Variants in FAM162A observed in about 807,000 individuals in gnomAD.
FAM162A encodes the protein protein FAM162A.
Under a neutral mutation model 21.8 loss-of-function variants are expected in FAM162A, and 23 were observed. The observed-to-expected ratio is 1.05, with a 90% CI of 0.76 to 1.49. FAM162A has a LOEUF of 1.49. FAM162A is among the 40% of genes most tolerant of loss of function. The probability of loss-of-function intolerance (pLI) is 0.00; values close to 1 mark genes in which losing one functional copy is unlikely to be tolerated. For synonymous variants in FAM162A, 53 were observed against 61.3 expected (o/e 0.86, Z 0.64); for missense variants, 165 against 186.4 (o/e 0.89, Z 0.67).
chr3:122,392,981 A>T (rs2075610955), intron 1 of FAM162A, among the ~76,000 whole-genome samples: 1 of 152,158 alleles, frequency 6.6e-6, no homozygotes, highest in Non-Finnish European at 1.5e-5. Flanking sequence ...TTGCTTTTCC[A>T]TTTAACCCTC....
chr3:122,399,726 C>G (rs2075644565), intron 1 of FAM162A, among the ~76,000 whole-genome samples: 1 of 152,152 alleles, frequency 6.6e-6, no homozygotes, highest in African/African-American at 2.4e-5. Flanking sequence ...AATGGTTGAA[C>G]TAATTTATAC....
chr3:122,385,273 C>A (rs2075569893), intron 1 of FAM162A, among the ~76,000 whole-genome samples: 1 of 152,092 alleles, frequency 6.6e-6, no homozygotes, highest in Non-Finnish European at 1.5e-5. Flanking sequence ...CACAGCTTAT[C>A]TAGTGTTCCG....
chr3:122,403,652 T>A (rs1208589103), intron 2 of FAM162A, among the ~76,000 whole-genome samples: 4 of 152,224 alleles, frequency 2.6e-5, no homozygotes, highest in Non-Finnish European at 5.9e-5. Context: ...TTTCCCGTCT[T>A]CTTTTAGTTA....
intron 1 of FAM162A, chr3:122,401,291 C>T (rs2075652504): frequency 5.5e-6 from 3 of 543,250 alleles, no homozygotes; most frequent in South Asian, 1.5e-4. Flanking sequence ...CTGATTGTAT[C>T]TCTTATTTTG....
chr3:122,404,139 G>A, intron 2 of FAM162A, 119 bp from the exon 3 acceptor site: 1 of 413,934 alleles, frequency 2.4e-6, no homozygotes, highest in Non-Finnish European at 4.4e-6. Context: ...ATTAACTTGA[G>A]GTTTCTCAGT....
chr3:122,406,555 A>T (rs377681738), intron 3 of FAM162A, among the ~76,000 whole-genome samples: 2 of 152,254 alleles, frequency 1.3e-5, no homozygotes, highest in South Asian at 4.1e-4. Flanking sequence ...GTCTGTATTC[A>T]GTAGATAGGT....
intron 1 of FAM162A, among the ~76,000 whole-genome samples, chr3:122,384,823 A>T (rs2075566947): frequency 1.3e-5 from 2 of 152,194 alleles, no homozygotes; most frequent in African/African-American, 4.8e-5. Flanking sequence ...GTTTTCTTAA[A>T]ATGGAGGATA....
At position 122,409,676 on chromosome 3, in the gene FAM162A, A is replaced by G. The variant is rs975040034; in HGVS notation, c.373-63A>G. The stretch of plus-strand genomic sequence containing the variant: ...TCTGTTAACCTGCTGTCATCAGTGC[A>G]AGGTAAAGACACCCTCCCCTGACCA... On this transcript the variant is annotated intron_variant, in intron 4 of 4. Coordinates refer to ENST00000477892, the MANE Select transcript of FAM162A (RefSeq NM_014367.4). 8 of 1,434,952 alleles carry G rather than the reference A, an allele frequency of 5.6e-6. No individual in the cohort carries two copies. In the African/African-American group the frequency reaches 7.0e-5, roughly 13 times the overall value. The allele number at this position is 1,434,952 out of a possible 1,614,324, so 88.9% of individuals were successfully genotyped here. A position where few individuals can be genotyped will look rare whatever the true frequency, so the allele number is the denominator to read the frequency against.
At chr3:122,408,754 T>A (rs1560003263) in intron 4 of FAM162A, among the ~76,000 whole-genome samples, 1 of 152,232 alleles carries the variant, frequency 6.6e-6, no homozygotes, top group Non-Finnish European at 1.5e-5. Flanking sequence ...TATACTCGAT[T>A]GTACTAGCTG....
chr3:122,403,883 TC>T (rs1483348135), intron 2 of FAM162A, among the ~76,000 whole-genome samples: 1 of 152,224 alleles, frequency 6.6e-6, no homozygotes, highest in African/African-American at 2.4e-5. Flanking sequence ...TCTGTCTCCA[TC>T]CATTGTACAG....
At chr3:122,408,064 A>G (rs1048388393) in intron 4 of FAM162A, 1 of 152,238 alleles carries the variant, frequency 6.6e-6, no homozygotes, top group Non-Finnish European at 1.5e-5. Flanking sequence ...CCAAGGCCAC[A>G]TATCTCCTTA....
rs2075702863 is a variant in FAM162A, at chr3:122,411,090, C to G, written c.*1259C>G. 6.6e-6 allele frequency: 1 copy of G among 152,196 alleles called. No homozygotes were observed. Among genetic ancestry groups the G allele is most frequent in the Admixed American group, 6.5e-5 (1 of 15,280 alleles). The allele number at this position is 152,196 out of a possible 1,614,324, so 9.4% of individuals were successfully genotyped here. A position where few individuals can be genotyped will look rare whatever the true frequency, so the allele number is the denominator to read the frequency against. On this transcript the variant is annotated 3_prime_UTR_variant, in exon 5 of 5. Transcript: ENST00000477892. ...CAGTTTCAGGCATCTACTGGGGGGTCTTGGAATATATCCCCAGAGGGTAAG... is the reference window on the plus strand; with the variant it reads ...CAGTTTCAGGCATCTACTGGGGGGTGTTGGAATATATCCCCAGAGGGTAAG...
intron 1 of FAM162A, among the ~76,000 whole-genome samples, chr3:122,393,790 C>T (rs2075615101): frequency 6.6e-6 from 1 of 152,158 alleles, no homozygotes; most frequent in Admixed American, 6.5e-5. Flanking sequence ...TGACATATTT[C>T]TAGAATGTAA....
intron 4 of FAM162A, among the ~76,000 whole-genome samples, chr3:122,408,409 A>G (rs2075686577): frequency 6.6e-6 from 1 of 152,214 alleles, no homozygotes; most frequent in South Asian, 2.1e-4. Context: ...TCTTACAACT[A>G]CTTTAAGATA....
At chr3:122,398,000 T>A (rs2075637056) in intron 1 of FAM162A, among the ~76,000 whole-genome samples, 1 of 152,188 alleles carries the variant, frequency 6.6e-6, no homozygotes, top group Non-Finnish European at 1.5e-5. Flanking sequence ...TGACCACTGA[T>A]GATGTGTTGA....
chr3:122,398,085 A>G (rs917351376), intron 1 of FAM162A, among the ~76,000 whole-genome samples: 1 of 149,038 alleles, frequency 6.7e-6, no homozygotes, highest in African/African-American at 2.4e-5. Context: ...AGAGCACATC[A>G]CATGTGTAAA....
At chr3:122,409,691 T>C (rs758346965) in intron 4 of FAM162A, 48 bp from the exon 5 acceptor site, 1 of 1,551,288 alleles carries the variant, frequency 6.4e-7, no homozygotes, top group South Asian at 1.1e-5. Context: ...AAAGACACCC[T>C]CCCCTGACCA....
In FAM162A at chr3:122,411,122, C is replaced by T. The variant is rs2075702964; in HGVS notation, c.*1291C>T. ...TATATCCCCAGAGGGTAAGGGGTGA[C>T]TACTGTATACAGCCATGCCAACATG... On this transcript the variant is annotated 3_prime_UTR_variant, in exon 5 of 5. Transcript: ENST00000477892. The T allele has an allele frequency of 6.6e-6, 1 of 152,200 alleles. No individual in the cohort carries two copies. The highest frequency in any genetic ancestry group is 1.5e-5 in the Non-Finnish European group (1 of 68,054). The allele number at this position is 152,200 out of a possible 1,614,324, so 9.4% of individuals were successfully genotyped here.
At chr3:122,385,029 GCTTGCATTTTGACT>G (rs1479310453) in intron 1 of FAM162A, among the ~76,000 whole-genome samples, 1 of 151,992 alleles carries the variant, frequency 6.6e-6, no homozygotes, top group Non-Finnish European at 1.5e-5. Context: ...AAATCAGAGG[GCTTGCATTTTGACT>G]CTTTTCTGGG....
Sources: gnomAD v4.1 joint callset for allele counts (sites outside exome capture counted in the v4.1 genomes callset) on GRCh38, gnomAD v4.1.1 for gene constraint, MANE v1.5 for transcripts, NCBI Gene and HGNC (gene_info 2026-07-23, HGNC 2026-07-21) for gene names.